Variants in CENPI observed in about 807,000 individuals in gnomAD.
CENPI encodes centromere protein I.
A neutral mutation model predicts 60.4 loss-of-function variants in CENPI; 4 were observed. The observed-to-expected ratio is 0.07, with a 90% confidence interval of 0.03 to 0.15. The LOEUF (loss-of-function observed/expected upper bound fraction) is 0.15. Ranked by LOEUF, CENPI falls within the 10% of genes least tolerant of loss-of-function variation. CENPI has a pLI of 1.00. For synonymous variants in CENPI, 157 were observed against 189.4 expected (o/e 0.83, Z 1.40); for missense variants, 444 against 534.5 (o/e 0.83, Z 1.67).
At chrX:101,108,648 G>GTTT (rs372833421) in intron 4 of CENPI, among the ~76,000 whole-genome samples, 5 of 99,001 alleles carry the variant, frequency 5.1e-5, no homozygotes, top group Non-Finnish European at 6.1e-5. Flanking sequence ...TTGCCTTATA[G>GTTT]TTTTTTTTTT....
chrX:101,126,633 T>C, intron 8 of CENPI, 76 bp from the exon 9 acceptor site: 4 of 780,279 alleles, frequency 5.1e-6, no homozygotes, highest in Non-Finnish European at 7.8e-6. Flanking sequence ...TATACTTTTT[T>C]CCTTCTTATT....
Position 101,102,360 on chromosome X carries a change from G to C in CENPI, c.313G>C (p.Ala105Pro), listed in dbSNP as rs745463299. The C allele has an allele frequency of 8.4e-7, 1 of 1,193,813 alleles. No individual in the cohort carries two copies. Among genetic ancestry groups the C allele is most frequent in the Admixed American group, 2.2e-5 (1 of 45,062 alleles). The change falls in exon 4 of 22, where the codon GCT (alanine) becomes CCT (proline). Residue 105 changes from alanine (A) to proline (P), a missense_variant. Ala to Pro is a conservative substitution (Grantham distance 27). Coordinates refer to ENST00000682095, the MANE Select transcript of CENPI (RefSeq NM_001386188.2). The part of the protein sequence containing the change: ...VENVAWKNGL[A>P]SEEIDILLNI... ...AAATGTGGCTTGGAAGAATGGGTTA[G>C]CTTCAGAAGAAATTGATATTCTATT...
At chrX:101,131,652 AAAG>A (rs1484637441) in intron 13 of CENPI, among the ~76,000 whole-genome samples, 7 of 111,302 alleles carry the variant, frequency 6.3e-5, no homozygotes, top group Non-Finnish European at 7.5e-5. Context: ...CATGTCATGA[AAAG>A]AAGGTCTTAG....
chrX:101,127,619 A>T lies in CENPI; in HGVS notation c.1028A>T (p.Gln343Leu). Residue 343 changes from glutamine to leucine, a missense_variant, in exon 11 of 22, where the codon CAA becomes CTA. Transcript: ENST00000682095. ...AGAAGTGGATCATTTCCACTAGAAC[A>T]ACTTCAAAGCTTCCCCCAACTTTTA... ...LNRSGSFPLE[Q>L]LQSFPQLLQN... 1 of 1,193,852 alleles carries T rather than the reference A, an allele frequency of 8.4e-7. No individual in the cohort carries two copies. Among genetic ancestry groups the T allele is most frequent in the Non-Finnish European group, 1.1e-6 (1 of 886,155 alleles).
At chrX:101,141,744 C>G (rs182316352) in intron 16 of CENPI, among the ~76,000 whole-genome samples, 3 of 110,912 alleles carry the variant, frequency 2.7e-5, no homozygotes, top group Non-Finnish European at 3.8e-5. Context: ...CCTGCCCCCC[C>G]CTTTTTTATT....
At chrX:101,128,179 C>A (rs1328997357) in intron 11 of CENPI, among the ~76,000 whole-genome samples, 1 of 111,165 alleles carries the variant, frequency 9.0e-6, no homozygotes, top group Non-Finnish European at 1.9e-5. Context: ...TACTAAAAAT[C>A]TAAATTTAGC....
chrX:101,135,930 C>T (rs1014774013), intron 15 of CENPI, among the ~76,000 whole-genome samples: 1 of 111,838 alleles, frequency 8.9e-6, no homozygotes, highest in African/African-American at 3.2e-5. Flanking sequence ...ACCATGTTGG[C>T]CAGGCTGGTC....
chrX:101,102,827 G>A (rs779655817), intron 4 of CENPI, among the ~76,000 whole-genome samples: 39 of 100,541 alleles, frequency 3.9e-4, no homozygotes, highest in African/African-American at 1.4e-3. Context: ...CTACAGGTGC[G>A]TGCCACCACA....
intron 20 of CENPI, among the ~76,000 whole-genome samples, chrX:101,160,790 T>C (rs2090101741): frequency 8.9e-6 from 1 of 111,830 alleles, no homozygotes; most frequent in African/African-American, 3.3e-5. Flanking sequence ...GTGATAGATA[T>C]GCTAATTACC....
intron 20 of CENPI, among the ~76,000 whole-genome samples, chrX:101,159,873 A>G (rs950876337): frequency 3.6e-5 from 4 of 111,961 alleles, no homozygotes; most frequent in Admixed American, 2.9e-4. Flanking sequence ...GAGGAGGACA[A>G]TTTGAGAATC....
At chrX:101,148,502 C>T (rs1840261319) in intron 20 of CENPI, among the ~76,000 whole-genome samples, 3 of 111,768 alleles carry the variant, frequency 2.7e-5, no homozygotes, top group East Asian at 2.8e-4. Context: ...TAAGGAAACG[C>T]TTCATAGATG....
chrX:101,140,858 C>A, intron 16 of CENPI, 98 bp downstream of exon 16: 1 of 523,718 alleles, frequency 1.9e-6, no homozygotes, highest in Non-Finnish European at 3.2e-6. Flanking sequence ...CATGTAAATG[C>A]TTAGTAGTAC....
intron 13 of CENPI, 146 bp downstream of exon 13, chrX:101,130,219 A>G (rs41304460): frequency 0.03 from 11,780 of 394,648 alleles, 174 homozygotes; most frequent in Non-Finnish European, 0.04. Flanking sequence ...GGATCACTTG[A>G]GCCCAGGAGT....
the CENPI span, among the ~76,000 whole-genome samples, chrX:101,173,636 A>T: frequency 1.8e-5 from 2 of 111,165 alleles, no homozygotes; most frequent in African/African-American, 6.5e-5. Flanking sequence ...AATCCATAGA[A>T]ATACAAAAGA....
chrX:101,166,202 G>A (rs1216093671), downstream of CENPI, among the ~76,000 whole-genome samples: 2 of 110,919 alleles, frequency 1.8e-5, no homozygotes, highest in African/African-American at 6.6e-5. Context: ...TGTCACCAGG[G>A]TGGAGTGCAG....
chrX:101,105,987 A>C (rs1306458567), intron 4 of CENPI, among the ~76,000 whole-genome samples: 1 of 110,326 alleles, frequency 9.1e-6, no homozygotes, highest in Non-Finnish European at 1.9e-5. Context: ...CCCCATCCCT[A>C]CTAGATCTTT....
At chrX:101,135,276 G>C (rs1183728384) in intron 15 of CENPI, among the ~76,000 whole-genome samples, 1 of 111,208 alleles carries the variant, frequency 9.0e-6, no homozygotes, top group African/African-American at 3.3e-5. Flanking sequence ...AAGCTGAAAT[G>C]TTGGGATAAT....
At chrX:101,105,884 AT>A (rs1363874594) in intron 4 of CENPI, among the ~76,000 whole-genome samples, 1 of 106,784 alleles carries the variant, frequency 9.4e-6, no homozygotes, top group East Asian at 3.0e-4. Flanking sequence ...GTTACTTTTC[AT>A]TTTTTTTTTC....
downstream of CENPI, among the ~76,000 whole-genome samples, chrX:101,169,976 T>C (rs10126981): frequency 0.055 from 6,211 of 112,236 alleles, 487 homozygotes; most frequent in African/African-American, 0.19. Context: ...ATTTTAAGTA[T>C]ATGAAGTAAA....
Sources: allele counts gnomAD v4.1 joint callset (sites outside exome capture counted in the v4.1 genomes callset), GRCh38; gene constraint gnomAD v4.1.1; transcripts MANE v1.5; gene names NCBI Gene and HGNC (gene_info 2026-07-23, HGNC 2026-07-21).